Variants in ATG10 observed in about 807,000 individuals in gnomAD.
ATG10 encodes autophagy related 10.
A neutral mutation model predicts 32.1 loss-of-function variants in ATG10; 30 were observed. That is an observed-to-expected ratio of 0.94 (90% confidence interval 0.70 to 1.27). The LOEUF is 1.27. ATG10 is among the 50% of genes most tolerant of loss of function. The pLI is 0.00. For missense variants in ATG10, 233 were observed against 262.3 expected, an observed-to-expected ratio of 0.89 and a Z score of 0.77; for synonymous variants, 87 against 91.5, an observed-to-expected ratio of 0.95 and a Z score of 0.28.
intron 3 of ATG10, among the ~76,000 whole-genome samples, chr5:82,124,630 A>T (rs544000706): frequency 6.6e-6 from 1 of 151,816 alleles, no homozygotes; most frequent in African/African-American, 2.4e-5. Flanking sequence ...ACATGAACTC[A>T]TTCTTTTTTA....
At chr5:82,163,788 A>G (rs1038234319) in intron 3 of ATG10, among the ~76,000 whole-genome samples, 7 of 152,228 alleles carry the variant, frequency 4.6e-5, no homozygotes, top group Admixed American at 1.3e-4. Context: ...GTTGACATTA[A>G]TATTTGCCAT....
chr5:82,153,132 T>G (rs1208145059), intron 3 of ATG10, among the ~76,000 whole-genome samples: 6 of 152,236 alleles, frequency 3.9e-5, no homozygotes, highest in Admixed American at 2.0e-4. Flanking sequence ...CTTGCAACAT[T>G]ATACTCAAAT....
At chr5:82,085,305 A>C (rs945646219) in intron 3 of ATG10, among the ~76,000 whole-genome samples, 1 of 152,174 alleles carries the variant, frequency 6.6e-6, no homozygotes. Flanking sequence ...ATATGCACCC[A>C]ATACAGGAGC....
At chr5:82,204,480 A>G (rs914690961) in intron 5 of ATG10, among the ~76,000 whole-genome samples, 2 of 152,218 alleles carry the variant, frequency 1.3e-5, no homozygotes, top group Non-Finnish European at 2.9e-5. Context: ...CAAGATAGAC[A>G]TGGTCTCTGT....
intron 3 of ATG10, among the ~76,000 whole-genome samples, chr5:82,125,715 C>G (rs907270155): frequency 6.6e-6 from 1 of 151,998 alleles, no homozygotes; most frequent in African/African-American, 2.4e-5. Context: ...TGTGATGCCT[C>G]CAGCTTTGTT....
intron 2 of ATG10, among the ~76,000 whole-genome samples, chr5:81,997,766 G>A (rs969929220): frequency 1.3e-5 from 2 of 152,122 alleles, no homozygotes; most frequent in Admixed American, 6.5e-5. Context: ...CAGCAGAATC[G>A]ACCAAGCTGA....
Position 82,066,561 on chromosome 5 carries a change from G to A in ATG10, c.216+7959G>A, listed in dbSNP as rs185350737. On this transcript the variant is annotated intron_variant, in intron 3 of 7. Coordinates refer to ENST00000282185, the MANE Select transcript of ATG10 (RefSeq NM_031482.5). Reference sequence around the variant, plus strand: ...TAACTGGGATTTTCCTTAGACCAGGGCAGGTAGAATATTATAGAAAGTGAG... The same window carrying A: ...TAACTGGGATTTTCCTTAGACCAGGACAGGTAGAATATTATAGAAAGTGAG... Among the ~76,000 whole-genome samples the A allele has an allele frequency of 1.6e-3, 241 of 152,214 alleles. 1 individual carries two copies. The highest frequency in any genetic ancestry group is 5.4e-3 in the African/African-American group (225 of 41,538).
At chr5:82,135,441 G>C (rs953694981) in intron 3 of ATG10, among the ~76,000 whole-genome samples, 1 of 152,102 alleles carries the variant, frequency 6.6e-6, no homozygotes, top group Non-Finnish European at 1.5e-5. Context: ...GTTCTCATTG[G>C]TTTCAAAGAA....
intron 5 of ATG10, among the ~76,000 whole-genome samples, chr5:82,187,277 A>G (rs1187621660): frequency 2.0e-5 from 3 of 152,014 alleles, no homozygotes; most frequent in African/African-American, 4.8e-5. Flanking sequence ...TTAGGAGGCC[A>G]AGGCAGGTAG....
chr5:82,040,053 A>G (rs1763037294), intron 2 of ATG10, among the ~76,000 whole-genome samples: 1 of 152,172 alleles, frequency 6.6e-6, no homozygotes, highest in South Asian at 2.1e-4. Flanking sequence ...TGGACTTCCT[A>G]CATAGCTTCT....
intron 2 of ATG10, among the ~76,000 whole-genome samples, chr5:82,044,264 A>G (rs1561270505): frequency 6.6e-6 from 1 of 152,072 alleles, no homozygotes; most frequent in Non-Finnish European, 1.5e-5. Flanking sequence ...CTTCTAAACC[A>G]TCACATCTTA....
intron 2 of ATG10, among the ~76,000 whole-genome samples, 176 bp downstream of exon 2, chr5:81,987,854 A>C (rs1761335527): frequency 6.6e-6 from 1 of 151,504 alleles, no homozygotes; most frequent in African/African-American, 2.4e-5. Flanking sequence ...TTCTTACTTC[A>C]ACTATATATA....
At chr5:82,178,145 G>T (rs1326026553) in intron 4 of ATG10, among the ~76,000 whole-genome samples, 1 of 152,112 alleles carries the variant, frequency 6.6e-6, no homozygotes, top group African/African-American at 2.4e-5. Flanking sequence ...TATTCATGGT[G>T]CACCTTTATG....
chr5:82,103,940 C>T (rs1001581249), intron 3 of ATG10, among the ~76,000 whole-genome samples: 7 of 152,100 alleles, frequency 4.6e-5, no homozygotes, highest in Non-Finnish European at 7.4e-5. Context: ...TCTTCTTAAC[C>T]TTAGATAAAT....
At chr5:82,035,102 G>C (rs1242970461) in intron 2 of ATG10, among the ~76,000 whole-genome samples, 2 of 152,036 alleles carry the variant, frequency 1.3e-5, no homozygotes, top group East Asian at 3.9e-4. Context: ...AGTAGAGACA[G>C]GGTTTCACCA....
intron 5 of ATG10, among the ~76,000 whole-genome samples, chr5:82,233,431 T>C (rs773777762): frequency 5.9e-5 from 9 of 152,240 alleles, no homozygotes; most frequent in Admixed American, 1.3e-4. Context: ...CCCAGGAATA[T>C]ATTGTTCCTT....
At chr5:82,139,052 C>A (rs1481133971) in intron 3 of ATG10, among the ~76,000 whole-genome samples, 1 of 149,768 alleles carries the variant, frequency 6.7e-6, no homozygotes, top group East Asian at 2.0e-4. Flanking sequence ...CTGTGTTGGC[C>A]GGGCCGGTCT....
chr5:81,993,369 T>TCTTTCTTTCTTTCTTTCTTTCCTTC (rs1761540902), intron 2 of ATG10, among the ~76,000 whole-genome samples: 1 of 38,028 alleles, frequency 2.6e-5, no homozygotes, highest in Admixed American at 2.8e-4. Context: ...CCTTCTTTTC[T>TCTTTCTTTCTTTCTTTCTTTCCTTC]TTTCTTTTCT....
intron 5 of ATG10, among the ~76,000 whole-genome samples, chr5:82,192,354 C>G (rs1051333651): frequency 2.6e-5 from 4 of 152,186 alleles, no homozygotes; most frequent in Non-Finnish European, 4.4e-5. Context: ...TCCTCTCTCC[C>G]TATTCAACTA....
Sources: allele counts gnomAD v4.1 joint callset (sites outside exome capture counted in the v4.1 genomes callset), GRCh38; gene constraint gnomAD v4.1.1; transcripts MANE v1.5; gene names NCBI Gene and HGNC (gene_info 2026-07-23, HGNC 2026-07-21).